The following JPH2 variants were observed in gnomAD, a reference collection of about 807,000 sequenced individuals.
JPH2 encodes junctophilin-2.
Under a neutral mutation model 55.9 loss-of-function variants are expected in JPH2, and 38 were observed. The observed-to-expected ratio is 0.68, with a 90% CI of 0.52 to 0.89. The LOEUF is 0.89. JPH2 is among the 40% of genes least tolerant of loss of function. The pLI is 0.00. For synonymous variants in JPH2, 480 were observed against 472.4 expected (o/e 1.02, Z -0.21); for missense variants, 964 against 1,037.6 (o/e 0.93, Z 0.97).
rs758036911 is a variant in JPH2, at chr20:44,186,504, T to G, written c.202A>C (p.Lys68Gln). 9 of 1,614,040 alleles carry G rather than the reference T, an allele frequency of 5.6e-6. No individual in the cohort carries two copies. The highest frequency in any genetic ancestry group is 3.3e-5 in the Admixed American group (2 of 60,002). ...NTFEGYWSQGKRHGLGIETKG... is the reference protein window; with the variant it reads ...NTFEGYWSQGQRHGLGIETKG... ...GTCTCTATGCCCAGCCCATGCCGTT[T>G]GCCCTGGCTCCAGTATCCCTCAAAG... Residue 68 changes from lysine to glutamine, a missense_variant, in exon 1 of 6, where the codon AAA becomes CAA. Coordinates refer to ENST00000372980, the MANE Select transcript of JPH2 (RefSeq NM_020433.5).
chr20:44,180,666 G>C (rs867966528), intron 1 of JPH2, among the ~76,000 whole-genome samples: 16 of 152,218 alleles, frequency 1.1e-4, no homozygotes, highest in Middle Eastern at 3.4e-3. Flanking sequence ...GCACATTTTG[G>C]GGTGGGATTA....
intron 1 of JPH2, among the ~76,000 whole-genome samples, chr20:44,162,787 T>TGCAC (rs1555859079): frequency 2.4e-5 from 1 of 41,006 alleles, no homozygotes; most frequent in Non-Finnish European, 4.2e-5. Context: ...TATATATATA[T>TGCAC]ACACACACAC....
chr20:44,121,261 T>C (rs1447233366), intron 2 of JPH2, among the ~76,000 whole-genome samples: 1 of 152,152 alleles, frequency 6.6e-6, no homozygotes, highest in Non-Finnish European at 1.5e-5. Context: ...ACTCTGAGAC[T>C]GAGGAAGAGC....
Position 44,116,280 on chromosome 20 carries a change from C to T in JPH2, c.1395G>A (p.Pro465=), listed in dbSNP as rs890379843. ...RGAGAAGLPQ[P]PRESPQLHER... The stretch of plus-strand genomic sequence containing the variant: ...CGTGCAGCTGCGGGCTCTCGCGGGG[C>T]GGCTGTGGGAGGCCCGCTGCGCCGG... Residue 465 remains proline (P), a synonymous_variant, in exon 4 of 6, where the codon CCG becomes CCA. Coordinates refer to ENST00000372980, the MANE Select transcript of JPH2 (RefSeq NM_020433.5). The T allele has an allele frequency of 2.2e-5, 33 of 1,532,114 alleles. No homozygotes were observed. Among genetic ancestry groups the T allele is most frequent in the Non-Finnish European group, 2.9e-5 (33 of 1,142,660 alleles). The allele number at this position is 1,532,114 out of a possible 1,614,324, so 94.9% of individuals were successfully genotyped here.
intron 2 of JPH2, among the ~76,000 whole-genome samples, chr20:44,137,396 C>G (rs1303681756): frequency 6.6e-6 from 1 of 150,658 alleles, no homozygotes; most frequent in Non-Finnish European, 1.5e-5. Context: ...CCAGCGGCCT[C>G]CCCCGCCTCC....
At chr20:44,178,926 C>T (rs965878426) in intron 1 of JPH2, among the ~76,000 whole-genome samples, 1 of 152,238 alleles carries the variant, frequency 6.6e-6, no homozygotes, top group African/African-American at 2.4e-5. Context: ...CAGGTACTTA[C>T]TGCTCAGTCC....
chr20:44,159,933 G>GCGT lies in JPH2; in HGVS notation c.851_853dup (p.Asp284dup). 1.2e-6 allele frequency: 2 copies of GCGT among 1,605,734 alleles called. No homozygotes were observed. The highest frequency in any genetic ancestry group is 1.7e-6 in the Non-Finnish European group (2 of 1,177,422). On this transcript the variant is annotated inframe_insertion, in exon 2 of 6. Coordinates refer to ENST00000372980, the MANE Select transcript of JPH2 (RefSeq NM_020433.5). The surrounding 1 kb of genome is among the most constrained non-coding windows in gnomAD (Gnocchi z 5.7). ...GCCCATGTAGGTCTCGGTGGTGGTG[G>GCGT]CGTCGATATCGGCCTCGAAGGGTGC...
Position 44,132,922 on chromosome 20 carries a change from C to T in JPH2, c.1170-14299G>A, listed in dbSNP as rs2145852227. Among the ~76,000 whole-genome samples the T allele has an allele frequency of 3.5e-4, 2 of 5,664 alleles. 1 individual carries two copies. Among genetic ancestry groups the T allele is most frequent in the Non-Finnish European group, 7.9e-4 (2 of 2,530 alleles). 3.7% of individuals were successfully genotyped at this position (5,664 alleles called of 152,430 possible). The stretch of plus-strand genomic sequence containing the variant: ...TCTCACCCACTCCCACCGCCCCCTT[C>T]CACGCCTGCAGGTCTCACCCACCCC... On this transcript the variant is annotated intron_variant, in intron 2 of 5. Coordinates refer to ENST00000372980, the MANE Select transcript of JPH2 (RefSeq NM_020433.5).
At chr20:44,130,634 C>G (rs2072310990) in intron 2 of JPH2, among the ~76,000 whole-genome samples, 2 of 152,246 alleles carry the variant, frequency 1.3e-5, no homozygotes, top group Non-Finnish European at 2.9e-5. Flanking sequence ...ACTGCATGAG[C>G]TGACAGAGCA....
At chr20:44,145,402 C>T (rs988301159) in intron 2 of JPH2, among the ~76,000 whole-genome samples, 2 of 152,016 alleles carry the variant, frequency 1.3e-5, no homozygotes, top group South Asian at 4.2e-4. Context: ...GTCAAGAGTC[C>T]AAGACCAGCC....
At chr20:44,154,673 G>A (rs2072552812) in intron 2 of JPH2, among the ~76,000 whole-genome samples, 1 of 152,250 alleles carries the variant, frequency 6.6e-6, no homozygotes. Context: ...GCCTGGGTGT[G>A]AAGAGGCTGT....
chr20:44,146,009 C>T (rs767325684), intron 2 of JPH2, among the ~76,000 whole-genome samples: 92 of 151,988 alleles, frequency 6.1e-4, no homozygotes, highest in Non-Finnish European at 3.5e-4. Context: ...AGGCCTGGCT[C>T]CCCAAAATGC....
intron 1 of JPH2, among the ~76,000 whole-genome samples, chr20:44,164,565 G>C (rs1185464657): frequency 6.6e-6 from 1 of 152,196 alleles, no homozygotes; most frequent in Non-Finnish European, 1.5e-5. Flanking sequence ...CAAGAAAAGA[G>C]AGCAGGCTGC....
At chr20:44,132,399 C>CACAGAG (rs71195518) in intron 2 of JPH2, among the ~76,000 whole-genome samples, 1 of 130,448 alleles carries the variant, frequency 7.7e-6, no homozygotes, top group East Asian at 2.4e-4. Flanking sequence ...CACACACACA[C>CACAGAG]ACATTTGGGC....
intron 1 of JPH2, among the ~76,000 whole-genome samples, chr20:44,162,869 C>T (rs1418602929): frequency 2.7e-5 from 4 of 147,202 alleles, no homozygotes; most frequent in Non-Finnish European, 4.4e-5. Context: ...GAATACACCA[C>T]CCTGTTTAAA....
At chr20:44,167,360 G>A (rs1226719761) in intron 1 of JPH2, among the ~76,000 whole-genome samples, 2 of 152,130 alleles carry the variant, frequency 1.3e-5, no homozygotes, top group Non-Finnish European at 2.9e-5. Flanking sequence ...GAAATCCTCG[G>A]TAAGCATCCG....
In JPH2 at chr20:44,108,712, G is replaced by C. The variant is rs2072122915; in HGVS notation, c.*4806C>G. Among the ~76,000 whole-genome samples, 1 of 152,028 alleles carries C rather than the reference G, an allele frequency of 6.6e-6. No homozygotes were observed. Among genetic ancestry groups the C allele is most frequent in the Non-Finnish European group, 1.5e-5 (1 of 68,000 alleles). On this transcript the variant is annotated 3_prime_UTR_variant, in exon 6 of 6. Transcript: ENST00000372980. ...GTCAAGACAGCCTGGAGTGAATGGT[G>C]AATGTTCTGACACATGAGGTGCCCT... is the stretch of plus-strand genomic sequence containing the variant.
rs1056978477 is a variant in JPH2 at position 44,159,130 on chromosome 20, TTGTTCAGGTGGA to T, written c.1169+476_1169+487del. On this transcript the variant is annotated intron_variant, in intron 2 of 5. Coordinates refer to ENST00000372980, the MANE Select transcript of JPH2 (RefSeq NM_020433.5). The surrounding 1 kb of genome is among the most constrained non-coding windows in gnomAD (Gnocchi z 5.7). ...GGTTGTTCAGGTAGATGTTAGGCTG[TTGTTCAGGTGGA>T]TGTTCAGGTGTGATGTGGGACTGGA... Among the ~76,000 whole-genome samples the T allele has an allele frequency of 7.6e-4, 116 of 152,154 alleles. No homozygotes were observed. Among genetic ancestry groups the T allele is most frequent in the African/African-American group, 2.7e-3 (111 of 41,488 alleles).
intron 2 of JPH2, among the ~76,000 whole-genome samples, chr20:44,124,060 C>T (rs1035106832): frequency 6.6e-6 from 1 of 152,124 alleles, no homozygotes; most frequent in Non-Finnish European, 1.5e-5. Flanking sequence ...GTCACTGGGG[C>T]CGGGGGAGGA....
Sources: gnomAD v4.1 joint callset for allele counts (sites outside exome capture counted in the v4.1 genomes callset) on GRCh38, gnomAD v4.1.1 for gene constraint, Gnocchi (gnomAD v3.1) non-coding constraint, MANE v1.5 for transcripts, NCBI Gene and HGNC (gene_info 2026-07-23, HGNC 2026-07-21) for gene names.